Variants in CPNE4 observed in about 807,000 individuals in gnomAD.
CPNE4 encodes the protein copine-4.
Under a neutral mutation model 67.9 loss-of-function variants are expected in CPNE4, and 25 were observed. The ratio of observed to expected loss-of-function variants is 0.37; its 90% CI spans 0.27 to 0.51. The LOEUF (loss-of-function observed/expected upper bound fraction) is 0.51, where lower values mean the gene tolerates loss of function less well. Ranked by LOEUF, CPNE4 falls within the 20% of genes least tolerant of loss-of-function variation. The pLI is 0.93. For synonymous variants in CPNE4, 242 were observed against 244.9 expected (o/e 0.99, Z 0.11); for missense variants, 464 against 690.8 (o/e 0.67, Z 3.68).
chr3:131,957,474 T>C (rs1300342675), intron 1 of CPNE4, among the ~76,000 whole-genome samples: 1 of 152,218 alleles, frequency 6.6e-6, no homozygotes, highest in Non-Finnish European at 1.5e-5. Flanking sequence ...AACTGTTGGA[T>C]AAGAAACCAT....
At chr3:131,662,436 T>C (rs1037790947) in intron 7 of CPNE4, among the ~76,000 whole-genome samples, 5 of 152,166 alleles carry the variant, frequency 3.3e-5, no homozygotes, top group Non-Finnish European at 1.5e-5. Flanking sequence ...CATACACATA[T>C]ACATATACAC....
intron 2 of CPNE4, among the ~76,000 whole-genome samples, chr3:131,809,840 A>T (rs894338781): frequency 6.6e-6 from 1 of 152,146 alleles, no homozygotes; most frequent in Non-Finnish European, 1.5e-5. Flanking sequence ...AGGGTCATCA[A>T]TTATCTGAAG....
chr3:131,641,923 C>CTA (rs2079550722), intron 7 of CPNE4, among the ~76,000 whole-genome samples: 1 of 152,132 alleles, frequency 6.6e-6, no homozygotes, highest in Non-Finnish European at 1.5e-5. Flanking sequence ...ACCAAACATC[C>CTA]TATGTTCTCA....
chr3:132,039,464 T>G (rs1296417691), upstream of CPNE4: 1 of 152,248 alleles, frequency 6.6e-6, no homozygotes, highest in Non-Finnish European at 1.5e-5. Context: ...GCTACTGTTT[T>G]CAGCTTTTTA....
At chr3:131,766,934 A>G (rs533240371) in intron 2 of CPNE4, among the ~76,000 whole-genome samples, 1 of 152,232 alleles carries the variant, frequency 6.6e-6, no homozygotes, top group South Asian at 2.1e-4. Context: ...TGTAAACTCA[A>G]AGATAAATGG....
At chr3:131,740,388 A>T (rs1365379955) in intron 2 of CPNE4, among the ~76,000 whole-genome samples, 1 of 152,166 alleles carries the variant, frequency 6.6e-6, no homozygotes, top group Non-Finnish European at 1.5e-5. Context: ...ACATCTTTTG[A>T]GGCAGCTCAA....
At chr3:131,940,844 C>G (rs1201422922) in intron 1 of CPNE4, among the ~76,000 whole-genome samples, 2 of 151,914 alleles carry the variant, frequency 1.3e-5, no homozygotes, top group Non-Finnish European at 2.9e-5. Flanking sequence ...TCAAGCTGAC[C>G]CTTTTTAGCA....
At chr3:131,747,922 G>A (rs2082531990) in intron 2 of CPNE4, among the ~76,000 whole-genome samples, 1 of 152,030 alleles carries the variant, frequency 6.6e-6, no homozygotes, top group Non-Finnish European at 1.5e-5. Context: ...ACCCTGCTTT[G>A]TTGCCTATTT....
At chr3:132,000,208 A>G (rs573987145) in intron 1 of CPNE4, among the ~76,000 whole-genome samples, 1 of 151,994 alleles carries the variant, frequency 6.6e-6, no homozygotes, top group Non-Finnish European at 1.5e-5. Flanking sequence ...AGGAAGGAAG[A>G]CCCTGTCAAG....
At chr3:131,889,147 C>T (rs1001386132) in intron 2 of CPNE4, among the ~76,000 whole-genome samples, 2 of 152,054 alleles carry the variant, frequency 1.3e-5, no homozygotes, top group African/African-American at 2.4e-5. Context: ...CTCAATAGAT[C>T]CTTATAATAA....
In CPNE4 at chr3:131,812,568, T is replaced by C. The variant is rs139532010; in HGVS notation, c.181-88943A>G. Reference sequence around the variant, plus strand: ...AGCTCTGCCTTGAGACCAACAGCCCTAGGGCTAAATATCAAATATCACATG... The same window carrying C: ...AGCTCTGCCTTGAGACCAACAGCCCCAGGGCTAAATATCAAATATCACATG... On this transcript the variant is annotated intron_variant, in intron 2 of 15. Transcript: ENST00000429747. Among the ~76,000 whole-genome samples the C allele has an allele frequency of 2.9e-3, 441 of 152,340 alleles. 3 individuals are homozygous for C. The highest frequency in any genetic ancestry group is 0.01 in the African/African-American group (416 of 41,584).
intron 10 of CPNE4, among the ~76,000 whole-genome samples, chr3:131,571,326 T>G (rs1000661086): frequency 1.3e-5 from 2 of 151,898 alleles, no homozygotes; most frequent in Non-Finnish European, 2.9e-5. Context: ...CCCTTTTCCT[T>G]CTATATTTTT....
intron 1 of CPNE4, among the ~76,000 whole-genome samples, chr3:131,968,607 C>T (rs1172344493): frequency 1.3e-5 from 2 of 152,182 alleles, no homozygotes; most frequent in Admixed American, 6.5e-5. Context: ...TGAAAAAAAG[C>T]TCATCATCAC....
At chr3:131,699,458 CTTTG>C (rs1376605567) in intron 4 of CPNE4, among the ~76,000 whole-genome samples, 1 of 152,176 alleles carries the variant, frequency 6.6e-6, no homozygotes, top group Non-Finnish European at 1.5e-5. Flanking sequence ...ATGCTGAGCT[CTTTG>C]TTTGTCAGGA....
At chr3:132,011,225 C>T (rs535952054) in intron 1 of CPNE4, among the ~76,000 whole-genome samples, 1 of 152,260 alleles carries the variant, frequency 6.6e-6, no homozygotes, top group South Asian at 2.1e-4. Flanking sequence ...TAGATAGATC[C>T]CTTGTGCTTT....
intron 2 of CPNE4, among the ~76,000 whole-genome samples, chr3:131,892,125 T>C (rs771268826): frequency 5.3e-5 from 8 of 152,114 alleles, no homozygotes; most frequent in Non-Finnish European, 8.8e-5. Context: ...AAAGGTAAGC[T>C]GGAGATCCCC....
intron 2 of CPNE4, among the ~76,000 whole-genome samples, chr3:131,744,377 CTTTTTA>C (rs1295722980): frequency 1.5e-5 from 2 of 137,908 alleles, no homozygotes; most frequent in Non-Finnish European, 3.2e-5. Flanking sequence ...TTTAGTGAAA[CTTTTTA>C]TTTTGTGTCA....
intron 1 of CPNE4, among the ~76,000 whole-genome samples, chr3:131,934,444 G>A (rs1169879966): frequency 1.3e-5 from 2 of 152,168 alleles, no homozygotes; most frequent in Non-Finnish European, 1.5e-5. Flanking sequence ...TTTAAGTTCT[G>A]TGATACATGT....
At chr3:131,898,695 C>CATCA (rs2088431961) in intron 2 of CPNE4, among the ~76,000 whole-genome samples, 2 of 152,022 alleles carry the variant, frequency 1.3e-5, no homozygotes, top group African/African-American at 4.8e-5. Context: ...ATCATGGAAC[C>CATCA]ATCAGCCTCT....
Sources: allele counts gnomAD v4.1 joint callset (sites outside exome capture counted in the v4.1 genomes callset), GRCh38; gene constraint gnomAD v4.1.1; transcripts MANE v1.5; gene names NCBI Gene and HGNC (gene_info 2026-07-23, HGNC 2026-07-21).